Variants in BAP1 observed in about 807,000 individuals in gnomAD.
The protein encoded by BAP1 is ubiquitin carboxyl-terminal hydrolase BAP1.
Under a neutral mutation model 77.2 loss-of-function variants are expected in BAP1, and 16 were observed. That is an observed-to-expected ratio of 0.21 (90% CI 0.14 to 0.31). The LOEUF (loss-of-function observed/expected upper bound fraction) is 0.31. BAP1 is among the 10% of genes least tolerant of loss of function. The pLI, the probability that BAP1 is intolerant of heterozygous loss-of-function variation, is 1.00. For missense variants in BAP1, 699 were observed against 967.3 expected (o/e 0.72, Z 3.68); for synonymous variants, 362 against 385.2 (o/e 0.94, Z 0.71).
rs1252655926 is a variant in BAP1, at chr3:52,401,905, G to A, written c.*383C>T. The A allele has an allele frequency of 7.8e-6, 3 of 386,440 alleles. No individual in the cohort carries two copies. Among genetic ancestry groups the A allele is most frequent in the Non-Finnish European group, 9.6e-6 (2 of 207,874 alleles). The allele number at this position is 386,440 out of a possible 1,614,324, so 23.9% of individuals were successfully genotyped here. A position where few individuals can be genotyped will look rare whatever the true frequency, so the allele number is the denominator to read the frequency against. ...GACAGCTCCTAGGAGAGAAAGCATA[G>A]TCAGGTAGGAACTTATGTCAACATG... On this transcript the variant is annotated 3_prime_UTR_variant, in exon 17 of 17. Transcript: ENST00000460680.
chr3:52,405,299 G>A lies in BAP1; in HGVS notation c.932-5C>T, dbSNP rs2153227089. On this transcript the variant is annotated splice_polypyrimidine_tract_variant and splice_region_variant and intron_variant, in intron 10 of 16. Transcript: ENST00000460680. ...CAGCCGCCTCCTCTGCACCATCTGA[G>A]ACAGGGCAAGAACACAGGCAGGACC... is the stretch of plus-strand genomic sequence containing the variant. The A allele has an allele frequency of 6.2e-7, 1 of 1,613,484 alleles. No individual in the cohort carries two copies. The highest frequency in any genetic ancestry group is 8.5e-7 in the Non-Finnish European group (1 of 1,180,004).
chr3:52,404,166 C>A (rs981367270), intron 12 of BAP1, among the ~76,000 whole-genome samples: 1 of 152,214 alleles, frequency 6.6e-6, no homozygotes, highest in Non-Finnish European at 1.5e-5. Flanking sequence ...GCCTCCCCAC[C>A]ACCCACATCT....
chr3:52,406,782 T>A lies in BAP1; in HGVS notation c.659+47A>T, dbSNP rs1705171652. 6.5e-7 allele frequency: 1 copy of A among 1,530,506 alleles called. No individual in the cohort carries two copies. Among genetic ancestry groups the A allele is most frequent in the Non-Finnish European group, 8.9e-7 (1 of 1,127,716 alleles). The allele number at this position is 1,530,506 out of a possible 1,614,324, so 94.8% of individuals were successfully genotyped here. On this transcript the variant is annotated intron_variant, in intron 8 of 16. Transcript: ENST00000460680. This position sits in a 1 kb window ranked among gnomAD's most constrained non-coding sequence, Gnocchi z 4.6. ...TGGATACTCTCTGTCCCTCCCAAAG[T>A]AGGTACAGCTCCAGAGAGTAGAACA...
rs1305587578 is a variant in BAP1, at chr3:52,403,628, G to A, written c.1517C>T (p.Pro506Leu). 6.2e-7 allele frequency: 1 copy of A among 1,613,948 alleles called. No individual in the cohort carries two copies. Among genetic ancestry groups the A allele is most frequent in the Non-Finnish European group, 8.5e-7 (1 of 1,179,944 alleles). ...GGCTGAGCGGATAGGCGAGCGCAGT[G>A]GCGAGTTGAAAGCACTGCCGATCTC... ...ASEIGSAFNS[P>L]LRSPIRSANP... Residue 506 changes from proline to leucine, a missense_variant, in exon 13 of 17, where the codon CCA (proline) becomes CTA (leucine). Coordinates refer to ENST00000460680, the MANE Select transcript of BAP1 (RefSeq NM_004656.4). This position sits in a 1 kb window ranked among gnomAD's most constrained non-coding sequence, Gnocchi z 4.0.
Position 52,402,621 on chromosome 3 carries a change from G to A in BAP1, c.2037C>T (p.Ile679=), listed in dbSNP as rs775374708. Residue 679 remains isoleucine (I), a synonymous_variant, in exon 16 of 17, where the codon ATC becomes ATT. Coordinates refer to ENST00000460680, the MANE Select transcript of BAP1 (RefSeq NM_004656.4). The surrounding 1 kb of genome is among the most constrained non-coding windows in gnomAD (Gnocchi z 5.3). ...CCTCACCTTCCTGAGCCAGCATGGA[G>A]ATAAAGGTGCAGATGAACTCATCGT... ...HNYDEFICTF[I]SMLAQEGMLA... 6.2e-7 allele frequency: 1 copy of A among 1,614,210 alleles called. No individual in the cohort carries two copies. Among genetic ancestry groups the A allele is most frequent in the South Asian group, 1.1e-5 (1 of 91,068 alleles).
rs767001039 is a variant in BAP1 at position 52,407,328 on chromosome 3, C to CA, written c.438-13dup. 6.2e-7 allele frequency: 1 copy of CA among 1,614,192 alleles called. No individual in the cohort carries two copies. The highest frequency in any genetic ancestry group is 8.5e-7 in the Non-Finnish European group (1 of 1,180,022). ...GGCGTGGCTCGGGCCTGGGGAAAAA[C>CA]AGAGTCAGGGCCCAAAAAATGATAC... On this transcript the variant is annotated splice_polypyrimidine_tract_variant and intron_variant, in intron 6 of 16. Coordinates refer to ENST00000460680, the MANE Select transcript of BAP1 (RefSeq NM_004656.4).
At position 52,406,422 on chromosome 3, in the gene BAP1, C is replaced by T. The variant is rs373236100; in HGVS notation, c.660-46G>A. On this transcript the variant is annotated intron_variant, in intron 8 of 16. Coordinates refer to ENST00000460680, the MANE Select transcript of BAP1 (RefSeq NM_004656.4). This position sits in a 1 kb window ranked among gnomAD's most constrained non-coding sequence, Gnocchi z 4.6. ...GTGAGAGCAGCTCCCGCCCCGGCCCCGCCATCAGGTTGAGGCAGATATCCT... is the reference window on the plus strand; with the variant it reads ...GTGAGAGCAGCTCCCGCCCCGGCCCTGCCATCAGGTTGAGGCAGATATCCT... 313 of 1,608,434 alleles carry T rather than the reference C, an allele frequency of 1.9e-4. No individual in the cohort carries two copies. The highest frequency in any genetic ancestry group is 2.5e-4 in the Non-Finnish European group (298 of 1,179,746).
chr3:52,402,826 A>G lies in BAP1; in HGVS notation c.1936T>C (p.Tyr646His), dbSNP rs1457881671. 1 of 1,614,060 alleles carries G rather than the reference A, an allele frequency of 6.2e-7. No individual in the cohort carries two copies. The highest frequency in any genetic ancestry group is 8.5e-7 in the Non-Finnish European group (1 of 1,180,052). The change falls in exon 15 of 17, where the codon TAT becomes CAT. Residue 646 changes from tyrosine (Y) to histidine (H), a missense_variant. Tyr to His is a moderately conservative substitution (Grantham distance 83). This residue lies in a region of BAP1 where 475 missense variants were observed against 532.4 expected (regional missense o/e 0.89). Transcript: ENST00000460680. The surrounding 1 kb of genome is among the most constrained non-coding windows in gnomAD (Gnocchi z 5.3). Reference protein sequence around the residue: ...LKCVEAEIANYEACLKEEVEK... With the variant: ...LKCVEAEIANHEACLKEEVEK... ...ACCTCCTCCTTGAGGCACGCCTCAT[A>G]GTTTGCAATCTCAGCCTCCACACAC...
At chr3:52,405,608 T>C in intron 10 of BAP1, 157 bp downstream of exon 10, 1 of 1,213,740 alleles carries the variant, frequency 8.2e-7, no homozygotes, top group South Asian at 1.4e-5. Context: ...TACAGGTGCC[T>C]TTCTTTAGGG....
In BAP1 at chr3:52,403,041, C is replaced by T; in HGVS notation, c.1890+97G>A. On this transcript the variant is annotated intron_variant, in intron 14 of 16. Transcript: ENST00000460680. This position sits in a 1 kb window ranked among gnomAD's most constrained non-coding sequence, Gnocchi z 4.0. Reference sequence around the variant, plus strand: ...ACATGGCTCCAGCCACCAATCTTCACACCAAAGTTCCAATCAAGAACTTGG... The same window carrying T: ...ACATGGCTCCAGCCACCAATCTTCATACCAAAGTTCCAATCAAGAACTTGG... 7.5e-6 allele frequency: 12 copies of T among 1,599,248 alleles called. No homozygotes were observed. The highest frequency in any genetic ancestry group is 3.3e-5 in the South Asian group (3 of 90,470).
rs1559593334 is a variant in BAP1 at position 52,409,837 on chromosome 3, C to G, written c.37+5G>C. On this transcript the variant is annotated splice_donor_5th_base_variant and intron_variant, in intron 1 of 16. Transcript: ENST00000460680. Reference sequence around the variant, plus strand: ...AGCCCCTGGCCCTCCCGGTCCCCTCCTCACCTGGGTCGCTCTCCAGCTCCA... The same window carrying G: ...AGCCCCTGGCCCTCCCGGTCCCCTCGTCACCTGGGTCGCTCTCCAGCTCCA... 2.5e-6 allele frequency: 4 copies of G among 1,612,396 alleles called. No homozygotes were observed. The highest frequency in any genetic ancestry group is 3.4e-6 in the Non-Finnish European group (4 of 1,179,938).
At chr3:52,404,649 T>A in intron 11 of BAP1, 63 bp from the exon 12 acceptor site, 2 of 1,570,350 alleles carry the variant, frequency 1.3e-6, no homozygotes, top group Non-Finnish European at 1.7e-6. Context: ...GCCTAGACAC[T>A]CACAGCCAGA....
In BAP1 at chr3:52,405,867, G is replaced by T. The variant is rs770127999; in HGVS notation, c.829C>A (p.Gln277Lys). ...QPELIQTHKS[Q>K]ESQLPEESKS... The stretch of plus-strand genomic sequence containing the variant: ...GACTCCTCAGGCAGCTGTGACTCTT[G>T]AGACTTGTGGGTCTGAATCAGCTCT... Residue 277 changes from glutamine to lysine, a missense_variant, in exon 10 of 17, where the codon CAA (glutamine) becomes AAA (lysine). Gln to Lys is a moderately conservative substitution (Grantham distance 53). Transcript: ENST00000460680. 1 of 1,614,168 alleles carries T rather than the reference G, an allele frequency of 6.2e-7. No homozygotes were observed. The highest frequency in any genetic ancestry group is 8.5e-7 in the Non-Finnish European group (1 of 1,180,048).
rs1340962210 is a variant in BAP1, at chr3:52,406,807, AGG to A, written c.659+20_659+21del. 7.1e-6 allele frequency: 11 copies of A among 1,552,642 alleles called. No individual in the cohort carries two copies. Among genetic ancestry groups the A allele is most frequent in the Non-Finnish European group, 9.6e-6 (11 of 1,147,442 alleles). ...TAGGTACAGCTCCAGAGAGTAGAAC[AGG>A]GCAGGCACAGGGCCCTTACCCTGCA... On this transcript the variant is annotated intron_variant, in intron 8 of 16. Coordinates refer to ENST00000460680, the MANE Select transcript of BAP1 (RefSeq NM_004656.4). This position sits in a 1 kb window ranked among gnomAD's most constrained non-coding sequence, Gnocchi z 4.6.
rs199926938 is a variant in BAP1 at position 52,406,818 on chromosome 3, A to G, written c.659+11T>C. ...CCAGAGAGTAGAACAGGGCAGGCAC[A>G]GGGCCCTTACCCTGCAGTGGCGAGG... On this transcript the variant is annotated intron_variant, in intron 8 of 16. Coordinates refer to ENST00000460680, the MANE Select transcript of BAP1 (RefSeq NM_004656.4). The surrounding 1 kb of genome is among the most constrained non-coding windows in gnomAD (Gnocchi z 4.6). The G allele has an allele frequency of 3.7e-4, 580 of 1,554,140 alleles. 4 individuals carry two copies. The highest frequency in any genetic ancestry group is 1.9e-5 in the Non-Finnish European group (22 of 1,148,136).
Position 52,406,587 on chromosome 3 carries a change from C to T in BAP1, c.660-211G>A, listed in dbSNP as rs903841201. The T allele has an allele frequency of 1.1e-6, 1 of 913,748 alleles. No homozygotes were observed. Among genetic ancestry groups the T allele is most frequent in the Non-Finnish European group, 1.7e-6 (1 of 597,396 alleles). The allele number at this position is 913,748 out of a possible 1,614,324, so 56.6% of individuals were successfully genotyped here. A position where few individuals can be genotyped will look rare whatever the true frequency, so the allele number is the denominator to read the frequency against. ...TATGAGGGGCCTATCTGGAAGTGAA[C>T]CAGCAGACCTGGGCTGCCTAAGGCT... On this transcript the variant is annotated intron_variant, in intron 8 of 16. Coordinates refer to ENST00000460680, the MANE Select transcript of BAP1 (RefSeq NM_004656.4). The surrounding 1 kb of genome is among the most constrained non-coding windows in gnomAD (Gnocchi z 4.6).
In BAP1 at chr3:52,403,902, G is replaced by A. The variant is rs766385310; in HGVS notation, c.1251-8C>T. On this transcript the variant is annotated splice_polypyrimidine_tract_variant and splice_region_variant and intron_variant, in intron 12 of 16. Coordinates refer to ENST00000460680, the MANE Select transcript of BAP1 (RefSeq NM_004656.4). The surrounding 1 kb of genome is among the most constrained non-coding windows in gnomAD (Gnocchi z 4.0). ...GTTCCCTTCCCCTTATACCTGTGGG[G>A]CCCGAGAAGATGTGAAGCAAGGGAA... 6.2e-7 allele frequency: 1 copy of A among 1,613,662 alleles called. No individual in the cohort carries two copies. Among genetic ancestry groups the A allele is most frequent in the Non-Finnish European group, 8.5e-7 (1 of 1,179,886 alleles).
At position 52,405,301 on chromosome 3, in the gene BAP1, C is replaced by T. The variant is rs2153227091; in HGVS notation, c.932-7G>A. 6.2e-7 allele frequency: 1 copy of T among 1,613,438 alleles called. No homozygotes were observed. The highest frequency in any genetic ancestry group is 2.2e-5 in the East Asian group (1 of 44,874). ...GCCGCCTCCTCTGCACCATCTGAGA[C>T]AGGGCAAGAACACAGGCAGGACCTC... On this transcript the variant is annotated splice_polypyrimidine_tract_variant and splice_region_variant and intron_variant, in intron 10 of 16. Coordinates refer to ENST00000460680, the MANE Select transcript of BAP1 (RefSeq NM_004656.4).
Position 52,408,609 on chromosome 3 carries a change from G to A in BAP1, c.123-3C>T, listed in dbSNP as rs543305514. On this transcript the variant is annotated splice_region_variant and splice_polypyrimidine_tract_variant and intron_variant, in intron 3 of 16. Coordinates refer to ENST00000460680, the MANE Select transcript of BAP1 (RefSeq NM_004656.4). Reference sequence around the variant, plus strand: ...GGAAGATAAATCCATATACAGGGCTGGGGGAAGTAAGGGGCAGAGCCAGAT... The same window carrying A: ...GGAAGATAAATCCATATACAGGGCTAGGGGAAGTAAGGGGCAGAGCCAGAT... The A allele has an allele frequency of 1.4e-5, 22 of 1,608,536 alleles. No individual in the cohort carries two copies. Among genetic ancestry groups the A allele is most frequent in the East Asian group, 2.2e-5 (1 of 44,778 alleles).
Sources: gnomAD v4.1 joint callset for allele counts (sites outside exome capture counted in the v4.1 genomes callset) on GRCh38, gnomAD v4.1.1 for gene constraint, gnomAD v4.1.1 regional missense constraint, Gnocchi (gnomAD v3.1) non-coding constraint, MANE v1.5 for transcripts, NCBI Gene and HGNC (gene_info 2026-07-23, HGNC 2026-07-21) for gene names.